GPR89A: variants seen among roughly 807,000 people sequenced by gnomAD.
GPR89A encodes golgi pH regulator A, also known as G protein-coupled receptor 89A.
Under a neutral mutation model 52.0 loss-of-function variants are expected in GPR89A, and 16 were observed. The observed-to-expected ratio is 0.31, with a 90% CI of 0.21 to 0.47. The LOEUF (loss-of-function observed/expected upper bound fraction) is 0.47. GPR89A is among the 20% of genes least tolerant of loss of function. The pLI is 1.00. For synonymous variants in GPR89A, 55 were observed against 150.9 expected (o/e 0.36, Z 4.66); for missense variants, 135 against 449.4 (o/e 0.30, Z 6.33).
chr1:145,628,795 G>T (rs1253419199), intron 5 of GPR89A, among the ~76,000 whole-genome samples: 1 of 152,330 alleles, frequency 6.6e-6, no homozygotes, highest in African/African-American at 2.4e-5. Flanking sequence ...GTTAAGGAAT[G>T]AACTGGAGGT....
chr1:145,617,162 C>T (rs1164516664), intron 2 of GPR89A, among the ~76,000 whole-genome samples: 4 of 152,068 alleles, frequency 2.6e-5, no homozygotes, highest in African/African-American at 9.7e-5. Flanking sequence ...ACTCCCAGAG[C>T]GGCCATTCAT....
At chr1:145,654,008 A>T (rs181597389) in intron 10 of GPR89A, among the ~76,000 whole-genome samples, 10 of 152,276 alleles carry the variant, frequency 6.6e-5, no homozygotes, top group African/African-American at 2.4e-4. Context: ...TGTCATCATG[A>T]TGCTAGCTGG....
intron 1 of GPR89A, among the ~76,000 whole-genome samples, chr1:145,613,457 T>C (rs1413801594): frequency 1.8e-4 from 27 of 152,192 alleles, no homozygotes; most frequent in African/African-American, 3.9e-4. Context: ...GTGTCTTCCA[T>C]ACAGCCACCA....
intron 10 of GPR89A, among the ~76,000 whole-genome samples, chr1:145,655,014 A>G (rs1447195973): frequency 1.4e-5 from 2 of 145,592 alleles, no homozygotes; most frequent in African/African-American, 5.1e-5. Context: ...TTTTTCTCTC[A>G]CCTTGTCTGC....
intron 1 of GPR89A, among the ~76,000 whole-genome samples, chr1:145,610,931 C>T (rs1648221585): frequency 6.6e-6 from 1 of 152,088 alleles, no homozygotes; most frequent in Non-Finnish European, 1.5e-5. Context: ...TTTGAGCCCT[C>T]TATACCGTCA....
At chr1:145,615,225 TGGA>T (rs782188869) in intron 1 of GPR89A, among the ~76,000 whole-genome samples, 1 of 152,218 alleles carries the variant, frequency 6.6e-6, no homozygotes, top group Non-Finnish European at 1.5e-5. Flanking sequence ...GGCAGGATGG[TGGA>T]GAAGCTAAGA....
chr1:145,641,142 A>G (rs1433771603), intron 7 of GPR89A, among the ~76,000 whole-genome samples: 1 of 151,422 alleles, frequency 6.6e-6, no homozygotes, highest in Non-Finnish European at 1.5e-5. Context: ...CCACACCCCA[A>G]CAATTGCACT....
intron 10 of GPR89A, among the ~76,000 whole-genome samples, chr1:145,649,692 C>T (rs1188359146): frequency 6.6e-6 from 1 of 151,250 alleles, no homozygotes; most frequent in Admixed American, 6.6e-5. Context: ...GATCATATGG[C>T]AGATGTAATG....
At position 145,619,876 on chromosome 1, in the gene GPR89A, G is replaced by A. The variant is rs192535557; in HGVS notation, c.206+1453G>A. On this transcript the variant is annotated intron_variant, in intron 3 of 13. Transcript: ENST00000313835. The stretch of plus-strand genomic sequence containing the variant: ...TAAAAATACAAAAAATTAGCTGGGC[G>A]TGGTGGTGGGCGCCTGTAGTCCCAG... Among the ~76,000 whole-genome samples, 595 of 151,598 alleles carry A rather than the reference G, an allele frequency of 3.9e-3. 7 individuals are homozygous for A. Among genetic ancestry groups the A allele is most frequent in the African/African-American group, 0.013 (554 of 41,092 alleles).
intron 8 of GPR89A, 54 bp from the exon 9 acceptor site, chr1:145,646,130 T>C: frequency 6.2e-7 from 1 of 1,613,736 alleles, no homozygotes; most frequent in East Asian, 2.2e-5. Context: ...GCTTTCTCAT[T>C]GCCATTTCTT....
intron 7 of GPR89A, among the ~76,000 whole-genome samples, chr1:145,635,142 C>T (rs1650136110): frequency 1.3e-5 from 2 of 152,206 alleles, no homozygotes; most frequent in African/African-American, 2.4e-5. Flanking sequence ...AGCAGTGGCT[C>T]ACGCCTGTAA....
rs1225877825 is a variant in GPR89A, at chr1:145,620,947, T to G, written c.207-2107T>G. ...CAAACCCACTGCTTCCCAAAATCTT[T>G]CAGAAGCTTAGCTGAAATACTATGT... On this transcript the variant is annotated intron_variant, in intron 3 of 13. Transcript: ENST00000313835. Among the ~76,000 whole-genome samples, 9 of 152,352 alleles carry G rather than the reference T, an allele frequency of 5.9e-5. 1 individual carries two copies. The South Asian group carries it at 1.2e-3, about 21-fold the overall frequency.
At chr1:145,630,336 T>G (rs1287681509) in intron 5 of GPR89A, among the ~76,000 whole-genome samples, 1 of 4,552 alleles carries the variant, frequency 2.2e-4, no homozygotes, top group Admixed American at 4.1e-3. Flanking sequence ...AGATTTACTT[T>G]CTTAGTTTTT....
chr1:145,669,096 A>G (rs1553696993), intron 12 of GPR89A, among the ~76,000 whole-genome samples: 1 of 152,088 alleles, frequency 6.6e-6, no homozygotes, highest in African/African-American at 2.4e-5. Context: ...GGCCAGCATC[A>G]TCCTGATACC....
chr1:145,616,367 A>G, intron 2 of GPR89A, 74 bp downstream of exon 2: 2 of 1,227,266 alleles, frequency 1.6e-6, no homozygotes, highest in Non-Finnish European at 2.4e-6. Flanking sequence ...CATTAAAGAA[A>G]CATTATGTTC....
intron 1 of GPR89A, among the ~76,000 whole-genome samples, chr1:145,609,184 G>A (rs1648071019): frequency 6.6e-6 from 1 of 152,158 alleles, no homozygotes; most frequent in Non-Finnish European, 1.5e-5. Flanking sequence ...CTCTCAAACG[G>A]CAAATAACAG....
Position 145,608,062 on chromosome 1 carries a change from G to A in GPR89A, c.-72G>A. The A allele has an allele frequency of 6.3e-7, 1 of 1,583,388 alleles. No individual in the cohort carries two copies. The highest frequency in any genetic ancestry group is 8.7e-7 in the Non-Finnish European group (1 of 1,154,430). On this transcript the variant is annotated 5_prime_UTR_variant, in exon 1 of 14. Transcript: ENST00000313835. ...TGGGAGAAGGCAGACCGTGTGAGGGGGCCTGTGGCCCCAGCGTGCTGTGGC... is the reference window on the plus strand; with the variant it reads ...TGGGAGAAGGCAGACCGTGTGAGGGAGCCTGTGGCCCCAGCGTGCTGTGGC...
chr1:145,620,731 G>C (rs1188364266), intron 3 of GPR89A, among the ~76,000 whole-genome samples: 1 of 151,330 alleles, frequency 6.6e-6, no homozygotes, highest in African/African-American at 2.4e-5. Flanking sequence ...GAGAATCTTG[G>C]CCAGAATATT....
At chr1:145,663,262 T>G (rs782507065) in intron 10 of GPR89A, 67 bp from the exon 11 acceptor site, 4 of 1,608,450 alleles carry the variant, frequency 2.5e-6, no homozygotes, top group Non-Finnish European at 3.4e-6. Flanking sequence ...TTCATTAGTT[T>G]CAGTCACTTT....
Sources: gnomAD v4.1 joint callset for allele counts (sites outside exome capture counted in the v4.1 genomes callset) on GRCh38, gnomAD v4.1.1 for gene constraint, MANE v1.5 for transcripts, NCBI Gene and HGNC (gene_info 2026-07-23, HGNC 2026-07-21) for gene names.